FNBP1: variants seen among roughly 807,000 people sequenced by gnomAD.
The protein encoded by FNBP1 is formin-binding protein 1.
A neutral mutation model predicts 90.6 loss-of-function variants in FNBP1; 26 were observed. That is an observed-to-expected ratio of 0.29 (90% CI 0.21 to 0.40). FNBP1 has a LOEUF of 0.40. Among genes scored for constraint, FNBP1 ranks in the 10% least tolerant of loss-of-function variants. The pLI, the probability that FNBP1 is intolerant of heterozygous loss-of-function variation, is 1.00. For missense variants in FNBP1, 635 were observed against 768.0 expected (o/e 0.83, Z 2.05); for synonymous variants, 260 against 265.2 (o/e 0.98, Z 0.19).
At chr9:129,976,082 C>T (rs1292811210) in intron 4 of FNBP1, among the ~76,000 whole-genome samples, 2 of 152,042 alleles carry the variant, frequency 1.3e-5, no homozygotes, top group Non-Finnish European at 2.9e-5. Flanking sequence ...TCATTCTGAA[C>T]CTTAGTATTC....
intron 6 of FNBP1, among the ~76,000 whole-genome samples, chr9:129,955,384 C>T (rs1393667520): frequency 1.3e-5 from 2 of 151,884 alleles, no homozygotes; most frequent in Non-Finnish European, 2.9e-5. Context: ...CAGACATGGG[C>T]TACCATGCTC....
intron 6 of FNBP1, among the ~76,000 whole-genome samples, chr9:129,946,839 A>G (rs893817327): frequency 7.2e-5 from 11 of 152,246 alleles, no homozygotes; most frequent in Non-Finnish European, 1.2e-4. Context: ...ATTGCCTGAC[A>G]TGGATGAACT....
chr9:129,986,846 G>T (rs2052360610), intron 2 of FNBP1, among the ~76,000 whole-genome samples: 1 of 151,666 alleles, frequency 6.6e-6, no homozygotes, highest in Non-Finnish European at 1.5e-5. Flanking sequence ...GAAACATAAG[G>T]ATAACTCATA....
rs1168703402 is a variant in FNBP1, at chr9:130,031,516, C to T, written c.24+11436G>A. 3.3e-5 allele frequency among the ~76,000 whole-genome samples: 5 copies of T among 152,304 alleles called. No individual in the cohort carries two copies. The highest frequency in any genetic ancestry group is 7.4e-5 in the Non-Finnish European group (5 of 68,020). ...AGGCTCTGTCCAGATCCCCTCCACC[C>T]TTCTGAACACCCCACTTCACCTGTA... On this transcript the variant is annotated intron_variant, in intron 1 of 16. Transcript: ENST00000446176. This position sits in a 1 kb window ranked among gnomAD's most constrained non-coding sequence, Gnocchi z 4.2.
intron 7 of FNBP1, 71 bp from the exon 8 acceptor site, chr9:129,927,412 T>C (rs2042075724): frequency 1.4e-6 from 2 of 1,463,844 alleles, no homozygotes; most frequent in Admixed American, 1.8e-5. Flanking sequence ...TTCGGCAGCA[T>C]TGTTACCTCT....
At chr9:129,951,440 A>ATTTATTTATTTG (rs1554810011) in intron 6 of FNBP1, among the ~76,000 whole-genome samples, 21 of 148,914 alleles carry the variant, frequency 1.4e-4, no homozygotes, top group Middle Eastern at 3.4e-3. Context: ...TTATTTATTT[A>ATTTATTTATTTG]TTTGTTTGTT....
chr9:130,039,713 G>A, intron 1 of FNBP1, among the ~76,000 whole-genome samples: 1 of 151,718 alleles, frequency 6.6e-6, no homozygotes, highest in East Asian at 1.9e-4. Flanking sequence ...TTTCTATGGA[G>A]GGGTTAAAGA....
Position 129,978,962 on chromosome 9 carries a change from T to C in FNBP1, c.198-350A>G, listed in dbSNP as rs145839672. On this transcript the variant is annotated intron_variant, in intron 3 of 16. Coordinates refer to ENST00000446176, the MANE Select transcript of FNBP1 (RefSeq NM_015033.3). ...AATATTTGAGTGGTCTGTGTTAAGA[T>C]GCCTTAATTGCTGACTGAAATTGAC... Among the ~76,000 whole-genome samples, 120 of 152,374 alleles carry C rather than the reference T, an allele frequency of 7.9e-4. 1 individual carries two copies. In the East Asian group the frequency reaches 0.017, roughly 21 times the overall value.
At chr9:129,995,066 A>G (rs951969927) in intron 1 of FNBP1, 108 bp from the exon 2 acceptor site, 13 of 659,852 alleles carry the variant, frequency 2.0e-5, no homozygotes, top group Non-Finnish European at 3.4e-5. Flanking sequence ...TAGTACTAAT[A>G]TTTTCCATGA....
rs376622990 is a variant in FNBP1, at chr9:129,979,338, C to T, written c.177G>A (p.Ser59=). The T allele has an allele frequency of 4.1e-5, 66 of 1,606,608 alleles. No homozygotes were observed. The highest frequency in any genetic ancestry group is 1.7e-4 in the Admixed American group (10 of 59,768). Reference sequence around the variant, plus strand: ...CATACTTGTATTCTTCTTCCTCCTTCGAGTTCTTTTTAGGTTGGTACTTCT... The same window carrying T: ...CATACTTGTATTCTTCTTCCTCCTTTGAGTTCTTTTTAGGTTGGTACTTCT... ...LSKKYQPKKN[S]KEEEEYKYTS... Residue 59 remains serine, a synonymous_variant, in exon 3 of 17, where the codon TCG becomes TCA. Coordinates refer to ENST00000446176, the MANE Select transcript of FNBP1 (RefSeq NM_015033.3).
At chr9:129,951,040 C>T (rs796335986) in intron 6 of FNBP1, among the ~76,000 whole-genome samples, 4 of 149,184 alleles carry the variant, frequency 2.7e-5, no homozygotes, top group Non-Finnish European at 5.9e-5. Context: ...CGTGCGATCT[C>T]GGCTCACTGC....
At chr9:129,945,270 A>G (rs1485803138) in intron 6 of FNBP1, among the ~76,000 whole-genome samples, 2 of 152,202 alleles carry the variant, frequency 1.3e-5, no homozygotes, top group Non-Finnish European at 2.9e-5. Flanking sequence ...AAAATTCTTT[A>G]TACTTTTCTC....
At chr9:130,019,203 G>T (rs1414418290) in intron 1 of FNBP1, among the ~76,000 whole-genome samples, 2 of 151,474 alleles carry the variant, frequency 1.3e-5, no homozygotes, top group East Asian at 1.9e-4. Context: ...CTCCACTCCC[G>T]CCTGGATGAG....
intron 4 of FNBP1, among the ~76,000 whole-genome samples, chr9:129,965,818 A>AGGAC (rs2048544878): frequency 1.1e-4 from 2 of 17,784 alleles, no homozygotes; most frequent in Non-Finnish European, 2.3e-4. Flanking sequence ...GGAGGGAGGG[A>AGGAC]GGAAGGAAGG....
At chr9:130,002,187 T>TA (rs2054969562) in intron 1 of FNBP1, among the ~76,000 whole-genome samples, 2 of 152,076 alleles carry the variant, frequency 1.3e-5, no homozygotes, top group Non-Finnish European at 2.9e-5. Flanking sequence ...AGACTCCATC[T>TA]AAAAAAATAA....
At chr9:130,004,010 T>C (rs970911202) in intron 1 of FNBP1, among the ~76,000 whole-genome samples, 23 of 151,692 alleles carry the variant, frequency 1.5e-4, no homozygotes, top group African/African-American at 5.6e-4. Context: ...GAAAAGCTAT[T>C]TACTTTGAGA....
At chr9:129,907,477 ACTTTGTGC>A (rs1190162757) in intron 12 of FNBP1, among the ~76,000 whole-genome samples, 2 of 151,636 alleles carry the variant, frequency 1.3e-5, no homozygotes, top group Non-Finnish European at 2.9e-5. Flanking sequence ...CTATCATCCT[ACTTTGTGC>A]TTTTTTCTTG....
intron 4 of FNBP1, among the ~76,000 whole-genome samples, chr9:129,975,078 G>C (rs1488834762): frequency 1.3e-5 from 2 of 152,048 alleles, no homozygotes; most frequent in Non-Finnish European, 2.9e-5. Context: ...AATCAGCCGG[G>C]CATGGTAGGG....
At chr9:129,965,483 C>T (rs765258944) in intron 4 of FNBP1, among the ~76,000 whole-genome samples, 6 of 152,072 alleles carry the variant, frequency 3.9e-5, no homozygotes, top group Admixed American at 2.0e-4. Flanking sequence ...CACTGTTCCT[C>T]GGTTATTCTC....
Sources: allele counts gnomAD v4.1 joint callset (sites outside exome capture counted in the v4.1 genomes callset), GRCh38; gene constraint gnomAD v4.1.1; non-coding constraint Gnocchi (gnomAD v3.1); transcripts MANE v1.5; gene names NCBI Gene and HGNC (gene_info 2026-07-23, HGNC 2026-07-21).